Variants in CSRNP3 observed in about 807,000 individuals in gnomAD.
CSRNP3 encodes cysteine/serine-rich nuclear protein 3.
A neutral mutation model predicts 48.0 loss-of-function variants in CSRNP3; 12 were observed. That is an observed-to-expected ratio of 0.25 (90% CI 0.16 to 0.41). The LOEUF is 0.41. CSRNP3 is among the 10% of genes least tolerant of loss of function. The pLI is 1.00. For missense variants in CSRNP3, 580 were observed against 724.4 expected (o/e 0.80, Z 2.29); for synonymous variants, 263 against 269.7 (o/e 0.98, Z 0.24).
At chr2:165,662,169 T>C (rs1445050395) in intron 5 of CSRNP3, among the ~76,000 whole-genome samples, 1 of 150,998 alleles carries the variant, frequency 6.6e-6, no homozygotes, top group African/African-American at 2.4e-5. Flanking sequence ...AATAAAGATG[T>C]TATTTTGAAA....
At chr2:165,651,758 C>T (rs371499374) in intron 4 of CSRNP3, among the ~76,000 whole-genome samples, 4 of 151,074 alleles carry the variant, frequency 2.6e-5, no homozygotes, top group African/African-American at 7.3e-5. Context: ...CGGGTTCAAG[C>T]GATTCTCCTG....
intron 4 of CSRNP3, among the ~76,000 whole-genome samples, chr2:165,641,239 C>A (rs1367537644): frequency 6.6e-6 from 1 of 152,098 alleles, no homozygotes; most frequent in Non-Finnish European, 1.5e-5. Context: ...TCTCTAATAC[C>A]CTTGAGCTGC....
At chr2:165,494,302 C>T (rs1353201041) in intron 1 of CSRNP3, among the ~76,000 whole-genome samples, 1 of 151,852 alleles carries the variant, frequency 6.6e-6, no homozygotes, top group African/African-American at 2.4e-5. Flanking sequence ...AAATAGATGC[C>T]CTTATACCTG....
intron 3 of CSRNP3, among the ~76,000 whole-genome samples, chr2:165,522,869 C>A (rs1323882837): frequency 6.6e-6 from 1 of 152,038 alleles, no homozygotes; most frequent in Non-Finnish European, 1.5e-5. Context: ...CTTGTACTCA[C>A]ATTCATGAGT....
At chr2:165,527,019 T>C (rs1398893203) in intron 3 of CSRNP3, among the ~76,000 whole-genome samples, 1 of 152,156 alleles carries the variant, frequency 6.6e-6, no homozygotes, top group Admixed American at 6.5e-5. Context: ...AACATTTGCA[T>C]GTCCAAAAAT....
chr2:165,536,989 T>C (rs997507628), intron 3 of CSRNP3, among the ~76,000 whole-genome samples: 17 of 151,802 alleles, frequency 1.1e-4, no homozygotes, highest in African/African-American at 4.1e-4. Context: ...CAAAGGGAAA[T>C]TGAAACCAGG....
At position 165,682,733 on chromosome 2, in the gene CSRNP3, C is replaced by T. The variant is rs1241793039; in HGVS notation, c.*2980C>T. The stretch of plus-strand genomic sequence containing the variant: ...ACTTTTTTTTCCATTAATAGCCGTT[C>T]TATTCAACAAAGAGCTGCCCACATG... On this transcript the variant is annotated 3_prime_UTR_variant, in exon 7 of 7. Coordinates refer to ENST00000651982, the MANE Select transcript of CSRNP3 (RefSeq NM_001172173.2). 1 of 152,078 alleles carries T rather than the reference C, an allele frequency of 6.6e-6. No homozygotes were observed. The highest frequency in any genetic ancestry group is 2.4e-5 in the African/African-American group (1 of 41,418). The allele number at this position is 152,078 out of a possible 1,614,324, so 9.4% of individuals were successfully genotyped here.
intron 5 of CSRNP3, among the ~76,000 whole-genome samples, chr2:165,668,511 C>T (rs1017900856): frequency 7.3e-5 from 11 of 151,572 alleles, no homozygotes; most frequent in African/African-American, 2.7e-4. Context: ...AAGCAATTCC[C>T]TTGCCTCAGC....
chr2:165,636,641 G>A (rs868120638), intron 4 of CSRNP3, among the ~76,000 whole-genome samples: 9 of 152,312 alleles, frequency 5.9e-5, no homozygotes, highest in African/African-American at 1.4e-4. Flanking sequence ...ATAAGTAGGT[G>A]TGTAACTATA....
intron 4 of CSRNP3, among the ~76,000 whole-genome samples, chr2:165,612,049 T>C (rs1408953102): frequency 6.6e-6 from 1 of 152,118 alleles, no homozygotes; most frequent in Non-Finnish European, 1.5e-5. Context: ...TTTTTTTCTA[T>C]AAAAGTTACC....
chr2:165,512,745 T>C (rs544645337), intron 2 of CSRNP3, among the ~76,000 whole-genome samples: 1 of 152,352 alleles, frequency 6.6e-6, no homozygotes, highest in South Asian at 2.1e-4. Context: ...ATTGGAGTGG[T>C]ATTGATATCT....
chr2:165,644,320 G>C (rs910686863), intron 4 of CSRNP3, among the ~76,000 whole-genome samples: 2 of 152,124 alleles, frequency 1.3e-5, no homozygotes, highest in Non-Finnish European at 2.9e-5. Context: ...CAGGAAAACA[G>C]GTAAAGTGAC....
At chr2:165,650,054 A>C (rs1686879274) in intron 4 of CSRNP3, among the ~76,000 whole-genome samples, 1 of 152,160 alleles carries the variant, frequency 6.6e-6, no homozygotes. Context: ...GATTTTGTTC[A>C]TGGTAAGAAA....
At chr2:165,481,559 C>T (rs1318434398) in intron 1 of CSRNP3, among the ~76,000 whole-genome samples, 1 of 152,176 alleles carries the variant, frequency 6.6e-6, no homozygotes, top group Non-Finnish European at 1.5e-5. Flanking sequence ...TGTGCTGCCT[C>T]TATTCATTCG....
At chr2:165,658,929 C>T (rs1687053196) in intron 5 of CSRNP3, among the ~76,000 whole-genome samples, 1 of 152,176 alleles carries the variant, frequency 6.6e-6, no homozygotes, top group African/African-American at 2.4e-5. Flanking sequence ...TATCAGCTAC[C>T]TTGTGCCAGG....
In CSRNP3 at chr2:165,679,373, G is replaced by C. The variant is rs61738743; in HGVS notation, c.1378G>C (p.Val460Leu). 47,669 of 1,613,504 alleles carry C rather than the reference G, an allele frequency of 0.03. 916 individuals are homozygous for C. The highest frequency in any genetic ancestry group is 0.067 in the African/African-American group (4,994 of 74,804). The part of the protein sequence containing the change: ...ISENYSERDT[V>L]KNGTLSLVPY... ...TGAGAACTATTCTGAAAGAGACACT[G>C]TCAAAAATGGTACCCTTTCGCTGGT... The change falls in exon 7 of 7, where the codon GTC (valine) becomes CTC (leucine). Residue 460 changes from valine to leucine, a missense_variant. Physicochemically the swap from Val to Leu is conservative, Grantham distance 32. This residue lies in a region of CSRNP3 where 369 missense variants were observed against 380.8 expected (regional missense o/e 0.97). Coordinates refer to ENST00000651982, the MANE Select transcript of CSRNP3 (RefSeq NM_001172173.2).
At chr2:165,535,494 G>A (rs1176521929) in intron 3 of CSRNP3, among the ~76,000 whole-genome samples, 1 of 151,782 alleles carries the variant, frequency 6.6e-6, no homozygotes, top group Non-Finnish European at 1.5e-5. Flanking sequence ...TTTCCTTGTA[G>A]ACCATTTAGT....
intron 3 of CSRNP3, among the ~76,000 whole-genome samples, chr2:165,564,315 TA>T (rs5836045): frequency 0.52 from 79,279 of 151,762 alleles, 20,912 homozygotes; most frequent in East Asian, 0.71. Context: ...AATATTCTGT[TA>T]AAAAAATGCT....
chr2:165,612,426 A>G (rs1686153955), intron 4 of CSRNP3, among the ~76,000 whole-genome samples: 1 of 152,070 alleles, frequency 6.6e-6, no homozygotes, highest in Non-Finnish European at 1.5e-5. Flanking sequence ...TGTTGTGAAC[A>G]TTCAAAATCC....
Sources: allele counts gnomAD v4.1 joint callset (sites outside exome capture counted in the v4.1 genomes callset), GRCh38; gene constraint gnomAD v4.1.1; regional missense constraint gnomAD v4.1.1; transcripts MANE v1.5; gene names NCBI Gene and HGNC (gene_info 2026-07-23, HGNC 2026-07-21).